Variants in SLC24A2 observed in about 807,000 individuals in gnomAD.
The protein encoded by SLC24A2 is sodium/potassium/calcium exchanger 2.
Under a neutral mutation model 62.0 loss-of-function variants are expected in SLC24A2, and 36 were observed. That is an observed-to-expected ratio of 0.58 (90% confidence interval 0.44 to 0.77). The LOEUF (loss-of-function observed/expected upper bound fraction) is 0.77, where lower values mean the gene tolerates loss of function less well. Ranked by LOEUF, SLC24A2 falls within the 30% of genes least tolerant of loss-of-function variation. The pLI is 0.00. For synonymous variants in SLC24A2, 358 were observed against 294.0 expected (o/e 1.22, Z -2.23); for missense variants, 846 against 817.9 (o/e 1.03, Z -0.42).
chr9:20,056,286 T>G, the SLC24A2 span, among the ~76,000 whole-genome samples: 1 of 152,064 alleles, frequency 6.6e-6, no homozygotes, highest in African/African-American at 2.4e-5. Context: ...CTATTATAAA[T>G]AAGAAAATCT....
the SLC24A2 span, among the ~76,000 whole-genome samples, chr9:19,902,622 T>C: frequency 6.6e-6 from 1 of 152,154 alleles, no homozygotes; most frequent in East Asian, 1.9e-4. Flanking sequence ...TAATAAAGGC[T>C]CATTCTGGAA....
At chr9:19,868,984 A>AT in the SLC24A2 span, among the ~76,000 whole-genome samples, 1 of 151,712 alleles carries the variant, frequency 6.6e-6, no homozygotes, top group Admixed American at 6.6e-5. Context: ...TTTATGTGGG[A>AT]TTTTTTGTTG....
intron 2 of SLC24A2, among the ~76,000 whole-genome samples, chr9:19,674,735 C>T (rs1200520019): frequency 1.3e-5 from 2 of 152,194 alleles, no homozygotes; most frequent in African/African-American, 4.8e-5. Context: ...CTATCTATTT[C>T]ACTGAAGATT....
the SLC24A2 span, among the ~76,000 whole-genome samples, chr9:20,226,028 C>G: frequency 6.6e-6 from 1 of 151,962 alleles, no homozygotes; most frequent in Admixed American, 6.6e-5. Flanking sequence ...CAATGAAAAC[C>G]CTGAAACTGT....
At chr9:20,068,034 C>A in the SLC24A2 span, among the ~76,000 whole-genome samples, 1 of 151,506 alleles carries the variant, frequency 6.6e-6, no homozygotes, top group African/African-American at 2.4e-5. Context: ...TGCAACCTCA[C>A]CAACATCTGT....
chr9:20,148,026 C>T, the SLC24A2 span, among the ~76,000 whole-genome samples: 1 of 151,978 alleles, frequency 6.6e-6, no homozygotes, highest in African/African-American at 2.4e-5. Flanking sequence ...AAAGAATCTC[C>T]TGTGTTCTAG....
chr9:19,991,015 T>TAC, the SLC24A2 span, among the ~76,000 whole-genome samples: 8 of 125,506 alleles, frequency 6.4e-5, no homozygotes, highest in East Asian at 1.7e-3. Context: ...CATATATACA[T>TAC]ACACACACAC....
chr9:20,043,076 G>A, the SLC24A2 span, among the ~76,000 whole-genome samples: 2 of 152,074 alleles, frequency 1.3e-5, no homozygotes, highest in Non-Finnish European at 2.9e-5. Context: ...GAAAGAAAGA[G>A]TCACACACCT....
chr9:20,221,823 T>G, the SLC24A2 span, among the ~76,000 whole-genome samples: 1 of 152,050 alleles, frequency 6.6e-6, no homozygotes, highest in Non-Finnish European at 1.5e-5. Flanking sequence ...TCATGTCCAG[T>G]CTTTCAACTG....
At chr9:20,055,465 G>T in the SLC24A2 span, among the ~76,000 whole-genome samples, 2 of 152,066 alleles carry the variant, frequency 1.3e-5, no homozygotes, top group Admixed American at 6.5e-5. Flanking sequence ...TTAGTAGGGG[G>T]TGTAAATTTC....
chr9:19,889,086 G>C, the SLC24A2 span, among the ~76,000 whole-genome samples: 1 of 152,158 alleles, frequency 6.6e-6, no homozygotes, highest in African/African-American at 2.4e-5. Flanking sequence ...TGAATAAGCA[G>C]GTGCCTGGCA....
chr9:19,619,618 T>C lies in SLC24A2; in HGVS notation c.1044A>G (p.Gln348=). Residue 348 remains glutamine (Q), a synonymous_variant, in exon 4 of 11, where the codon CAA becomes CAG. Transcript: ENST00000341998. Reference sequence around the variant, plus strand: ...GTGGGTCAAGGGTGTGTATCATGAGTTGGAAGATGCTATTCCTCATGAGAC... The same window carrying C: ...GTGGGTCAAGGGTGTGTATCATGAGCTGGAAGATGCTATTCCTCATGAGAC... ...HNSLMRNSIF[Q]LMIHTLDPLA... 6.2e-7 allele frequency: 1 copy of C among 1,613,920 alleles called. No individual in the cohort carries two copies. The highest frequency in any genetic ancestry group is 8.5e-7 in the Non-Finnish European group (1 of 1,179,846).
At chr9:19,887,661 A>C in the SLC24A2 span, among the ~76,000 whole-genome samples, 2 of 152,188 alleles carry the variant, frequency 1.3e-5, no homozygotes, top group African/African-American at 4.8e-5. Flanking sequence ...CAAAGAACTA[A>C]AAGTGGAACT....
chr9:19,532,653 C>T (rs1394275183), intron 8 of SLC24A2, among the ~76,000 whole-genome samples: 1 of 152,076 alleles, frequency 6.6e-6, no homozygotes, highest in African/African-American at 2.4e-5. Context: ...AAGACCTGGC[C>T]CAGAGTCTTG....
the SLC24A2 span, among the ~76,000 whole-genome samples, chr9:20,115,390 C>G: frequency 6.6e-6 from 1 of 151,972 alleles, no homozygotes; most frequent in African/African-American, 2.4e-5. Context: ...GATACGGAAA[C>G]GTCAAAGAGA....
the SLC24A2 span, among the ~76,000 whole-genome samples, chr9:20,251,522 T>A: frequency 6.6e-6 from 1 of 152,212 alleles, no homozygotes; most frequent in Non-Finnish European, 1.5e-5. Flanking sequence ...CTACTGACAT[T>A]AACAATCATC....
chr9:19,565,441 A>G (rs1463550569), intron 7 of SLC24A2, among the ~76,000 whole-genome samples: 1 of 151,098 alleles, frequency 6.6e-6, no homozygotes, highest in Non-Finnish European at 1.5e-5. Flanking sequence ...GAGAACTACA[A>G]ACCACTGCTC....
At chr9:19,813,243 T>C in the SLC24A2 span, among the ~76,000 whole-genome samples, 3 of 151,312 alleles carry the variant, frequency 2.0e-5, no homozygotes, top group Non-Finnish European at 4.4e-5. Context: ...TTGCCCTGGC[T>C]CAGAATGGGC....
chr9:20,227,350 C>T, the SLC24A2 span, among the ~76,000 whole-genome samples: 1 of 152,066 alleles, frequency 6.6e-6, no homozygotes, highest in Admixed American at 6.6e-5. Context: ...CCTGTACTAA[C>T]TTGGCAAGTG....
Sources: gnomAD v4.1 joint callset for allele counts (sites outside exome capture counted in the v4.1 genomes callset) on GRCh38, gnomAD v4.1.1 for gene constraint, MANE v1.5 for transcripts, NCBI Gene and HGNC (gene_info 2026-07-23, HGNC 2026-07-21) for gene names.